Variants in SLC25A24 observed in about 807,000 individuals in gnomAD.
The protein encoded by SLC25A24 is mitochondrial adenyl nucleotide antiporter SLC25A24.
In SLC25A24, 49 loss-of-function variants were observed where a neutral mutation model predicts 60.7. The ratio of observed to expected loss-of-function variants is 0.81; its 90% confidence interval spans 0.64 to 1.02. The LOEUF is 1.02. SLC25A24 is among the 50% of genes least tolerant of loss of function. The pLI is 0.00. For synonymous variants in SLC25A24, 202 were observed against 200.6 expected (o/e 1.01, Z -0.06); for missense variants, 564 against 586.3 (o/e 0.96, Z 0.39).
intron 1 of SLC25A24, among the ~76,000 whole-genome samples, chr1:108,197,083 C>T (rs538717): frequency 0.24 from 36,998 of 151,908 alleles, 5,006 homozygotes; most frequent in African/African-American, 0.33. Flanking sequence ...TTGGAACATA[C>T]AGAAAAGAAA....
At chr1:108,138,786 A>C (rs562020355) in intron 9 of SLC25A24, among the ~76,000 whole-genome samples, 1 of 152,318 alleles carries the variant, frequency 6.6e-6, no homozygotes, top group South Asian at 2.1e-4. Flanking sequence ...CGTGCATGTA[A>C]CACAGTCAAA....
chr1:108,149,371 G>C (rs1262216744), intron 6 of SLC25A24, among the ~76,000 whole-genome samples: 1 of 152,048 alleles, frequency 6.6e-6, no homozygotes, highest in Non-Finnish European at 1.5e-5. Flanking sequence ...ACCTGAGCTG[G>C]AACTCCAGAG....
At chr1:108,169,767 G>T (rs1051642234) in intron 3 of SLC25A24, among the ~76,000 whole-genome samples, 4 of 152,076 alleles carry the variant, frequency 2.6e-5, no homozygotes, top group Admixed American at 6.5e-5. Context: ...ATAAGCTGTT[G>T]CTTCTTCATT....
Position 108,200,185 on chromosome 1 carries a change from G to A in SLC25A24, c.-47C>T, listed in dbSNP as rs1006200962. 3 of 1,498,426 alleles carry A rather than the reference G, an allele frequency of 2.0e-6. No individual in the cohort carries two copies. The highest frequency in any genetic ancestry group is 1.8e-6 in the Non-Finnish European group (2 of 1,126,074). 92.8% of individuals were successfully genotyped at this position (1,498,426 alleles called of 1,614,324 possible). A position where few individuals can be genotyped will look rare whatever the true frequency, so the allele number is the denominator to read the frequency against. On this transcript the variant is annotated 5_prime_UTR_variant, in exon 1 of 10. Transcript: ENST00000565488. ...CTGGCCGAGGAAGTCACGGGAGATCGAGGGCTGCGGGGCGAGACCGGGACC... is the reference window on the plus strand; with the variant it reads ...CTGGCCGAGGAAGTCACGGGAGATCAAGGGCTGCGGGGCGAGACCGGGACC...
chr1:108,173,371 C>G (rs1224696713), intron 3 of SLC25A24, among the ~76,000 whole-genome samples: 1 of 152,206 alleles, frequency 6.6e-6, no homozygotes, highest in African/African-American at 2.4e-5. Flanking sequence ...TCCCTCTTTG[C>G]TCAGCACTTC....
chr1:108,136,311 G>A lies in SLC25A24; in HGVS notation c.*342C>T, dbSNP rs904966618. 4.9e-5 allele frequency: 8 copies of A among 164,524 alleles called. 1 individual carries two copies. In the South Asian group the frequency reaches 1.2e-3, roughly 25 times the overall value. 10.2% of individuals were successfully genotyped at this position (164,524 alleles called of 1,614,324 possible). A position where few individuals can be genotyped will look rare whatever the true frequency, so the allele number is the denominator to read the frequency against. Reference sequence around the variant, plus strand: ...GAACTGGCATAAACGTAAACCACCCGAAATAAAGATTAATGATTTATAACT... The same window carrying A: ...GAACTGGCATAAACGTAAACCACCCAAAATAAAGATTAATGATTTATAACT... On this transcript the variant is annotated 3_prime_UTR_variant, in exon 10 of 10. Transcript: ENST00000565488.
intron 3 of SLC25A24, 35 bp downstream of exon 3, chr1:108,181,906 T>C (rs1647942698): frequency 1.4e-6 from 2 of 1,459,862 alleles, no homozygotes; most frequent in Admixed American, 1.7e-5. Context: ...AATATTAAAG[T>C]GAAAGTCAAT....
chr1:108,184,996 A>G (rs1451110857), intron 2 of SLC25A24, among the ~76,000 whole-genome samples: 1 of 152,164 alleles, frequency 6.6e-6, no homozygotes, highest in Non-Finnish European at 1.5e-5. Flanking sequence ...TCAAGACCCT[A>G]TTTCCAATTA....
chr1:108,196,644 G>A (rs1648505611), intron 1 of SLC25A24, among the ~76,000 whole-genome samples: 1 of 152,198 alleles, frequency 6.6e-6, no homozygotes, highest in Admixed American at 6.5e-5. Context: ...GACACTGGAA[G>A]TCCTAGATCG....
intron 3 of SLC25A24, among the ~76,000 whole-genome samples, chr1:108,167,195 G>T (rs556364920): frequency 6.6e-6 from 1 of 151,180 alleles, no homozygotes; most frequent in Non-Finnish European, 1.5e-5. Flanking sequence ...TCTCTTCAAA[G>T]CTGTCAGACA....
intron 3 of SLC25A24, among the ~76,000 whole-genome samples, chr1:108,179,391 T>G (rs962168338): frequency 5.3e-5 from 8 of 152,164 alleles, no homozygotes; most frequent in African/African-American, 2.4e-5. Context: ...CCACTGTATG[T>G]ATGTGTGTGT....
chr1:108,182,590 T>C (rs1305517272), intron 2 of SLC25A24, among the ~76,000 whole-genome samples: 1 of 152,060 alleles, frequency 6.6e-6, no homozygotes, highest in African/African-American at 2.4e-5. Flanking sequence ...CCCAGCACTT[T>C]TGGAGGCTGA....
Position 108,181,856 on chromosome 1 carries a change from G to A in SLC25A24, c.398+85C>T, listed in dbSNP as rs1031782774. 75 of 980,070 alleles carry A rather than the reference G, an allele frequency of 7.7e-5. No individual in the cohort carries two copies. The African/African-American group carries it at 1.2e-3, about 15-fold the overall frequency. 60.7% of individuals were successfully genotyped at this position (980,070 alleles called of 1,614,324 possible). On this transcript the variant is annotated intron_variant, in intron 3 of 9. Transcript: ENST00000565488. ...TATACATAATGAAGACTAGGGAGGT[G>A]TTTTAAAGCCACACTTACAAACACA... is the stretch of plus-strand genomic sequence containing the variant.
intron 1 of SLC25A24, among the ~76,000 whole-genome samples, chr1:108,188,235 G>A (rs934920731): frequency 3.9e-5 from 6 of 151,950 alleles, no homozygotes; most frequent in African/African-American, 1.5e-4. Flanking sequence ...AGAACGGGGA[G>A]GGAATGGACA....
chr1:108,167,650 T>C (rs1647247846), intron 3 of SLC25A24, among the ~76,000 whole-genome samples: 1 of 152,218 alleles, frequency 6.6e-6, no homozygotes, highest in African/African-American at 2.4e-5. Flanking sequence ...CTGCTTCGGC[T>C]CGCGCACGGT....
intron 6 of SLC25A24, among the ~76,000 whole-genome samples, chr1:108,152,571 G>A (rs1015940986): frequency 6.6e-6 from 1 of 152,128 alleles, no homozygotes; most frequent in Non-Finnish European, 1.5e-5. Flanking sequence ...TGCCCAGGCT[G>A]GTCTTGAACT....
At chr1:108,147,350 T>C (rs1298184421) in intron 7 of SLC25A24, among the ~76,000 whole-genome samples, 3 of 152,204 alleles carry the variant, frequency 2.0e-5, no homozygotes, top group African/African-American at 7.2e-5. Flanking sequence ...GTTAAACTTT[T>C]CATAAAAACA....
intron 3 of SLC25A24, among the ~76,000 whole-genome samples, chr1:108,165,255 A>C (rs1298574219): frequency 2.0e-5 from 3 of 152,176 alleles, no homozygotes; most frequent in African/African-American, 7.2e-5. Context: ...GGTGCTGAAA[A>C]AAATGTATAT....
chr1:108,177,506 T>C (rs2101633815), intron 3 of SLC25A24, among the ~76,000 whole-genome samples: 1 of 152,256 alleles, frequency 6.6e-6, no homozygotes, highest in Non-Finnish European at 1.5e-5. Context: ...AACTATATGC[T>C]GCCCATGACA....
Sources: gnomAD v4.1 joint callset for allele counts (sites outside exome capture counted in the v4.1 genomes callset) on GRCh38, gnomAD v4.1.1 for gene constraint, MANE v1.5 for transcripts, NCBI Gene and HGNC (gene_info 2026-07-23, HGNC 2026-07-21) for gene names.